The following MKLN1 variants were observed in gnomAD, a reference collection of about 807,000 sequenced individuals.
MKLN1 encodes the protein muskelin.
In MKLN1, 18 loss-of-function variants were observed where a neutral mutation model predicts 99.0. That is an observed-to-expected ratio of 0.18 (90% CI 0.13 to 0.27). The LOEUF is 0.27. Ranked by LOEUF, MKLN1 falls within the 10% of genes least tolerant of loss-of-function variation. The pLI, the probability that MKLN1 is intolerant of heterozygous loss-of-function variation, is 1.00. For missense variants in MKLN1, 621 were observed against 875.9 expected (o/e 0.71, Z 3.67); for synonymous variants, 288 against 293.2 (o/e 0.98, Z 0.18).
At chr7:131,381,719 G>T (rs1017448114) in intron 2 of MKLN1, among the ~76,000 whole-genome samples, 2 of 151,894 alleles carry the variant, frequency 1.3e-5, no homozygotes, top group African/African-American at 4.8e-5. Context: ...GTAACATGTT[G>T]GTTTTATAAA....
chr7:131,467,747 G>GGGC (rs1308803764), intron 15 of MKLN1, among the ~76,000 whole-genome samples: 2 of 152,128 alleles, frequency 1.3e-5, no homozygotes, highest in African/African-American at 4.8e-5. Flanking sequence ...TTTAAGTAGA[G>GGGC]GAGTAACACA....
At chr7:131,156,912 C>T (rs1405170968) in intron 2 of MKLN1, among the ~76,000 whole-genome samples, 3 of 151,976 alleles carry the variant, frequency 2.0e-5, no homozygotes, top group Non-Finnish European at 2.9e-5. Context: ...GTGTGACTTG[C>T]CCCCAGGTAA....
At position 131,154,290 on chromosome 7, in the gene MKLN1, C is replaced by T. The variant is rs574872759; in HGVS notation, c.-297+11349C>T. ...CTTGTTTTGTAGATTTGACTTTGGC[C>T]AGGCTGGTCTCGAACTCCTAACCTC... On this transcript the variant is annotated intron_variant, in intron 2 of 7. Transcript: ENST00000416992. Among the ~76,000 whole-genome samples the T allele has an allele frequency of 2.2e-4, 34 of 152,170 alleles. No individual in the cohort carries two copies. The South Asian group carries it at 4.8e-3, about 21-fold the overall frequency.
chr7:131,464,481 T>C, intron 14 of MKLN1, 73 bp downstream of exon 14: 1 of 814,148 alleles, frequency 1.2e-6, no homozygotes, highest in Non-Finnish European at 2.0e-6. Flanking sequence ...ATATCTTTGA[T>C]TGTTTTAAAT....
intron 3 of MKLN1, among the ~76,000 whole-genome samples, chr7:131,216,422 CAAAA>C (rs34071524): frequency 1.7e-5 from 2 of 116,418 alleles, no homozygotes; most frequent in Non-Finnish European, 1.8e-5. Context: ...GTCTCTGACT[CAAAA>C]AAAAAAAAAA....
intron 2 of MKLN1, among the ~76,000 whole-genome samples, chr7:131,378,359 A>T (rs1421114596): frequency 7.2e-5 from 11 of 152,146 alleles, no homozygotes; most frequent in Admixed American, 7.2e-4. Flanking sequence ...TGATCCGCCC[A>T]CCTTGGCCAC....
chr7:131,358,937 C>T (rs1247179021), intron 1 of MKLN1, among the ~76,000 whole-genome samples: 1 of 151,878 alleles, frequency 6.6e-6, no homozygotes, highest in Non-Finnish European at 1.5e-5. Flanking sequence ...AGAGTTTTGT[C>T]AGTTTTATTG....
At chr7:131,201,416 T>A (rs10229131) in intron 2 of MKLN1, among the ~76,000 whole-genome samples, 15,604 of 152,266 alleles carry the variant, frequency 0.1, 865 homozygotes, top group Middle Eastern at 0.14. Context: ...AAATTTTGAA[T>A]GCTATAATAT....
intron 16 of MKLN1, 138 bp from the exon 17 acceptor site, chr7:131,478,485 G>A (rs1797025616): frequency 1.4e-6 from 1 of 727,096 alleles, no homozygotes. Flanking sequence ...CCACTATTTG[G>A]TGAATAGACC....
intron 2 of MKLN1, among the ~76,000 whole-genome samples, chr7:131,173,701 A>G (rs1170655925): frequency 6.6e-6 from 1 of 152,194 alleles, no homozygotes. Flanking sequence ...CCTGGGTCAT[A>G]GAGCAAGATT....
At chr7:131,365,118 A>G (rs1294198474) in intron 1 of MKLN1, among the ~76,000 whole-genome samples, 2 of 152,078 alleles carry the variant, frequency 1.3e-5, no homozygotes, top group African/African-American at 4.8e-5. Context: ...CCTTAACCCC[A>G]TCTGTCATTT....
At chr7:131,338,049 A>G (rs1005651606) in intron 1 of MKLN1, among the ~76,000 whole-genome samples, 2 of 152,154 alleles carry the variant, frequency 1.3e-5, no homozygotes, top group Non-Finnish European at 2.9e-5. Flanking sequence ...GTTTGCTTCC[A>G]ACTTGGTAGC....
chr7:131,445,008 A>G (rs1029475706), intron 11 of MKLN1, among the ~76,000 whole-genome samples: 6 of 152,170 alleles, frequency 3.9e-5, no homozygotes, highest in Non-Finnish European at 7.4e-5. Flanking sequence ...TTGTCTGTCT[A>G]TAATAGCTTT....
At chr7:131,228,305 A>G (rs970828789) in intron 3 of MKLN1, among the ~76,000 whole-genome samples, 2 of 152,106 alleles carry the variant, frequency 1.3e-5, no homozygotes, top group Admixed American at 1.3e-4. Context: ...TTATCAGAAC[A>G]TTCTGATGTT....
At chr7:131,373,051 G>A (rs545115426) in intron 1 of MKLN1, among the ~76,000 whole-genome samples, 181 of 151,842 alleles carry the variant, frequency 1.2e-3, no homozygotes, top group Non-Finnish European at 2.1e-3. Context: ...AGTCATTGTC[G>A]TGGTTGTCAT....
chr7:131,283,523 C>T (rs1184058314), intron 3 of MKLN1, among the ~76,000 whole-genome samples: 6 of 151,476 alleles, frequency 4.0e-5, no homozygotes, highest in African/African-American at 1.5e-4. Flanking sequence ...CAGCCTTGAC[C>T]TCCTGGGCTC....
chr7:131,194,128 G>T (rs1796608768), intron 2 of MKLN1, among the ~76,000 whole-genome samples: 1 of 151,732 alleles, frequency 6.6e-6, no homozygotes, highest in African/African-American at 2.4e-5. Context: ...GGGATTATAG[G>T]CATGAACCAC....
At chr7:131,276,428 T>G (rs1321611713) in intron 3 of MKLN1, among the ~76,000 whole-genome samples, 1 of 152,086 alleles carries the variant, frequency 6.6e-6, no homozygotes, top group South Asian at 2.1e-4. Flanking sequence ...GCACAGCAAG[T>G]GCATAACCAG....
chr7:131,439,831 T>C (rs1200853333), intron 10 of MKLN1, among the ~76,000 whole-genome samples: 1 of 152,014 alleles, frequency 6.6e-6, no homozygotes, highest in African/African-American at 2.4e-5. Flanking sequence ...TGTGTGGTTT[T>C]CCAGGAATAA....
Sources: gnomAD v4.1 joint callset for allele counts (sites outside exome capture counted in the v4.1 genomes callset) on GRCh38, gnomAD v4.1.1 for gene constraint, MANE v1.5 for transcripts, NCBI Gene and HGNC (gene_info 2026-07-23, HGNC 2026-07-21) for gene names.